Variants in NAA11 observed in about 807,000 individuals in gnomAD.
NAA11 encodes the protein N-alpha-acetyltransferase 11.
In NAA11, 15 loss-of-function variants were observed where a neutral mutation model predicts 16.1. The ratio of observed to expected loss-of-function variants is 0.93; its 90% CI spans 0.62 to 1.44. NAA11 has a LOEUF of 1.44. NAA11 is among the 40% of genes most tolerant of loss of function. NAA11 has a pLI of 0.00. For missense variants in NAA11, 298 were observed against 291.3 expected (o/e 1.02, Z -0.17); for synonymous variants, 122 against 112.4 (o/e 1.09, Z -0.54).
chr4:79,257,810 T>C (rs192831202), intron 2 of NAA11, among the ~76,000 whole-genome samples: 1 of 152,366 alleles, frequency 6.6e-6, no homozygotes, highest in East Asian at 1.9e-4. Context: ...TTTGAGCATA[T>C]TTTTGTGGCA....
downstream of NAA11, among the ~76,000 whole-genome samples, chr4:79,313,322 C>G (rs866488425): frequency 1.5e-4 from 23 of 152,274 alleles, no homozygotes; most frequent in African/African-American, 5.3e-4. Flanking sequence ...TATCTCTATT[C>G]TGTAAATGAG....
rs746992154 is a variant in NAA11 at position 79,325,205 on chromosome 4, A to G, written c.673T>C (p.Ser225Pro). The change falls in exon 1 of 2, where the codon TCG becomes CCG. Residue 225 changes from serine to proline, a missense_variant. Coordinates refer to ENST00000286794, the MANE Select transcript of NAA11 (RefSeq NM_032693.3). Reference protein sequence around the residue: ...STNVQDSSESSDSTS With the variant: ...STNVQDSSESPDSTS ...AGCATGCTCTAGGAGGTGGAATCCGAGCTTTCTGAGCTGTCCTGGACGTTG... is the reference window on the plus strand; with the variant it reads ...AGCATGCTCTAGGAGGTGGAATCCGGGCTTTCTGAGCTGTCCTGGACGTTG... 2.5e-6 allele frequency: 4 copies of G among 1,610,384 alleles called. No individual in the cohort carries two copies. The South Asian group carries it at 4.4e-5, about 18-fold the overall frequency.
At chr4:79,165,001 G>C in the NAA11 span, among the ~76,000 whole-genome samples, 2 of 152,184 alleles carry the variant, frequency 1.3e-5, no homozygotes, top group South Asian at 4.1e-4. Context: ...CACACGGAGG[G>C]AACACTCACA....
chr4:79,302,960 TTTG>T (rs903778410), intron 1 of NAA11, among the ~76,000 whole-genome samples: 3 of 151,144 alleles, frequency 2.0e-5, no homozygotes, highest in African/African-American at 4.9e-5. Context: ...ATTTTAGGGT[TTTG>T]TTGTTGTTGT....
chr4:79,201,606 C>T, the NAA11 span, among the ~76,000 whole-genome samples: 51 of 151,466 alleles, frequency 3.4e-4, no homozygotes, highest in South Asian at 5.2e-3. Flanking sequence ...CAGTTTTTCA[C>T]TTTTATTTTG....
the NAA11 span, among the ~76,000 whole-genome samples, chr4:79,213,952 G>A: frequency 0.12 from 18,072 of 152,118 alleles, 1,307 homozygotes; most frequent in African/African-American, 0.19. Flanking sequence ...TGATATCCTG[G>A]GGCTGGCTAG....
chr4:79,194,819 G>T, the NAA11 span, among the ~76,000 whole-genome samples: 3 of 152,030 alleles, frequency 2.0e-5, no homozygotes, highest in Non-Finnish European at 4.4e-5. Context: ...ACCCTTTGAA[G>T]TGTGTATTAC....
At chr4:79,191,446 TA>T in the NAA11 span, among the ~76,000 whole-genome samples, 6 of 152,200 alleles carry the variant, frequency 3.9e-5, no homozygotes, top group South Asian at 6.2e-4. Flanking sequence ...TTGAGCTTTT[TA>T]TTGCATAGGC....
chr4:79,297,266 G>A (rs1436509014), intron 1 of NAA11, among the ~76,000 whole-genome samples: 1 of 152,178 alleles, frequency 6.6e-6, no homozygotes, highest in East Asian at 1.9e-4. Context: ...ACTGCCCTGG[G>A]GGCTACTGTG....
chr4:79,257,344 TC>T lies in NAA11; in HGVS notation c.*123-31075del, dbSNP rs570477796. On this transcript the variant is annotated intron_variant and NMD_transcript_variant, in intron 2 of 2. Coordinates refer to the NAA11 transcript ENST00000511542. ...TTTTCTAGATATATCTTGGTGTAGG[TC>T]ATTTTGTTTCAATATTTTGGGGTAT... Among the ~76,000 whole-genome samples the T allele has an allele frequency of 4.1e-4, 63 of 152,304 alleles. 1 individual carries two copies. In the South Asian group the frequency reaches 5.8e-3, roughly 14 times the overall value.
At chr4:79,216,894 C>A in the NAA11 span, among the ~76,000 whole-genome samples, 2 of 152,126 alleles carry the variant, frequency 1.3e-5, no homozygotes, top group African/African-American at 4.8e-5. Flanking sequence ...GTTTTCCTCA[C>A]AAATTTATGG....
chr4:79,310,535 A>G (rs1283177965), intron 1 of NAA11, among the ~76,000 whole-genome samples: 3 of 152,154 alleles, frequency 2.0e-5, no homozygotes, highest in African/African-American at 7.2e-5. Flanking sequence ...AAATACAACA[A>G]TGCTCGTTTA....
At chr4:79,214,176 C>A in the NAA11 span, among the ~76,000 whole-genome samples, 9,309 of 152,176 alleles carry the variant, frequency 0.061, 852 homozygotes, top group African/African-American at 0.2. Context: ...ATTTCCAATA[C>A]ACATTGTGGT....
chr4:79,240,273 C>T (rs1477023601), intron 2 of NAA11, among the ~76,000 whole-genome samples: 1 of 152,140 alleles, frequency 6.6e-6, no homozygotes, highest in Non-Finnish European at 1.5e-5. Flanking sequence ...TTACCACATC[C>T]CCCATCACTC....
chr4:79,240,045 G>A (rs1305823970), intron 2 of NAA11, among the ~76,000 whole-genome samples: 1 of 152,140 alleles, frequency 6.6e-6, no homozygotes, highest in Non-Finnish European at 1.5e-5. Flanking sequence ...TACATTGGAT[G>A]TCTTCCATCA....
chr4:79,237,551 C>T (rs1721597630), intron 2 of NAA11, among the ~76,000 whole-genome samples: 2 of 152,182 alleles, frequency 1.3e-5, no homozygotes, highest in Admixed American at 1.3e-4. Flanking sequence ...ACGATTCAAA[C>T]ACTGACACCT....
chr4:79,321,844 C>G (rs1724097814), intron 1 of NAA11, among the ~76,000 whole-genome samples: 1 of 152,118 alleles, frequency 6.6e-6, no homozygotes, highest in African/African-American at 2.4e-5. Context: ...AGTTTGATAA[C>G]TATATCAATG....
the NAA11 span, among the ~76,000 whole-genome samples, chr4:79,207,069 G>A: frequency 1.2e-3 from 189 of 152,014 alleles, 1 homozygote; most frequent in African/African-American, 4.2e-3. Flanking sequence ...AGTCTTTACC[G>A]AATTCATTTA....
chr4:79,271,646 A>T (rs1338395976), intron 2 of NAA11, among the ~76,000 whole-genome samples: 1 of 152,142 alleles, frequency 6.6e-6, no homozygotes, highest in Non-Finnish European at 1.5e-5. Context: ...GAAGAAACTA[A>T]CTCGCTGTTT....
Sources: allele counts gnomAD v4.1 joint callset (sites outside exome capture counted in the v4.1 genomes callset), GRCh38; gene constraint gnomAD v4.1.1; transcripts MANE v1.5; gene names NCBI Gene and HGNC (gene_info 2026-07-23, HGNC 2026-07-21).